The following C7orf78 variants were observed in gnomAD, a reference collection of about 807,000 sequenced individuals.
C7orf78 encodes chromosome 7 open reading frame 78, also known as putative uncharacterized protein C7orf78.
At chr7:12,499,077 G>A in the C7orf78 span, among the ~76,000 whole-genome samples, 89 of 152,170 alleles carry the variant, frequency 5.8e-4, 3 homozygotes, top group South Asian at 0.018. Context: ...AAGAGCTCCT[G>A]AAGGAAGCGC....
chr7:12,498,428 G>T, the C7orf78 span, among the ~76,000 whole-genome samples: 3 of 151,196 alleles, frequency 2.0e-5, no homozygotes, highest in Admixed American at 1.3e-4. Context: ...CGAGAACTAC[G>T]TGAAGAATGC....
chr7:12,508,657 G>T, the C7orf78 span, among the ~76,000 whole-genome samples: 1 of 152,120 alleles, frequency 6.6e-6, no homozygotes, highest in Non-Finnish European at 1.5e-5. Context: ...TAAAGCAGGG[G>T]CCTCCAACCC....
chr7:12,497,314 C>G, the C7orf78 span, among the ~76,000 whole-genome samples: 1 of 152,154 alleles, frequency 6.6e-6, no homozygotes, highest in Non-Finnish European at 1.5e-5. Flanking sequence ...TCTAAGGTAC[C>G]GGGTTCATCT....
chr7:12,497,274 C>G, the C7orf78 span, among the ~76,000 whole-genome samples: 31 of 152,236 alleles, frequency 2.0e-4, no homozygotes, highest in African/African-American at 7.0e-4. Context: ...GCCTGAGCGA[C>G]GCAGAAGACG....
chr7:12,516,660 G>T, the C7orf78 span, among the ~76,000 whole-genome samples: 6 of 152,334 alleles, frequency 3.9e-5, no homozygotes, highest in African/African-American at 1.4e-4. Context: ...CACAGGGGAG[G>T]AGCTGCCTAA....
chr7:12,523,938 G>A, the C7orf78 span, among the ~76,000 whole-genome samples: 6,216 of 152,108 alleles, frequency 0.041, 185 homozygotes, highest in Non-Finnish European at 0.064. Flanking sequence ...TGCAGATAAG[G>A]TCAAATATTT....
chr7:12,523,758 T>A, the C7orf78 span, among the ~76,000 whole-genome samples: 2 of 152,162 alleles, frequency 1.3e-5, no homozygotes, highest in Non-Finnish European at 2.9e-5. Flanking sequence ...CAGGAGTTTA[T>A]AACCTACTAC....
chr7:12,504,662 G>A, the C7orf78 span: 1 of 151,862 alleles, frequency 6.6e-6, no homozygotes, highest in South Asian at 2.1e-4. Context: ...ATATGTTAAG[G>A]TATATAAGAT....
chr7:12,523,871 TA>T, the C7orf78 span, among the ~76,000 whole-genome samples: 4 of 152,176 alleles, frequency 2.6e-5, no homozygotes, highest in Non-Finnish European at 5.9e-5. Context: ...ATAATTTAAA[TA>T]ATATATGGGC....
the C7orf78 span, among the ~76,000 whole-genome samples, chr7:12,499,620 C>T: frequency 6.6e-6 from 1 of 150,654 alleles, no homozygotes; most frequent in African/African-American, 2.4e-5. Context: ...GACTCCCACA[C>T]ATTAATAATG....
At chr7:12,522,896 C>T in the C7orf78 span, 2 of 397,174 alleles carry the variant, frequency 5.0e-6, no homozygotes, top group Non-Finnish European at 8.9e-6. Flanking sequence ...CAAAGATTAA[C>T]TTGTCCTGGA....
At chr7:12,501,778 A>T in the C7orf78 span, among the ~76,000 whole-genome samples, 1 of 145,288 alleles carries the variant, frequency 6.9e-6, no homozygotes, top group Admixed American at 7.0e-5. Context: ...TGCCAAGTCA[A>T]TCCTAAGCCA....
At chr7:12,503,267 A>G in the C7orf78 span, among the ~76,000 whole-genome samples, 1 of 151,084 alleles carries the variant, frequency 6.6e-6, no homozygotes, top group East Asian at 1.9e-4. Flanking sequence ...GAAACACAAA[A>G]GAAAAAAAAT....
At chr7:12,508,398 G>GA in the C7orf78 span, among the ~76,000 whole-genome samples, 41,037 of 151,474 alleles carry the variant, frequency 0.27, 6,536 homozygotes, top group East Asian at 0.52. Context: ...CATTTCATTG[G>GA]AAAAAAAATC....
chr7:12,533,768 G>A, the C7orf78 span, among the ~76,000 whole-genome samples: 15 of 151,620 alleles, frequency 9.9e-5, no homozygotes, highest in African/African-American at 3.2e-4. Context: ...CACCTGTCTC[G>A]GCCTCCCAAA....
chr7:12,513,390 T>C, the C7orf78 span, among the ~76,000 whole-genome samples: 1 of 152,176 alleles, frequency 6.6e-6, no homozygotes, highest in Non-Finnish European at 1.5e-5. Flanking sequence ...CTGTTTGTGC[T>C]ACAAAGTTCC....
the C7orf78 span, among the ~76,000 whole-genome samples, chr7:12,520,989 C>T: frequency 2.0e-5 from 3 of 152,112 alleles, no homozygotes; most frequent in Admixed American, 6.5e-5. Context: ...TCTCTTTTTA[C>T]ATTTTTTTAT....
At chr7:12,518,445 G>A in the C7orf78 span, among the ~76,000 whole-genome samples, 1 of 152,172 alleles carries the variant, frequency 6.6e-6, no homozygotes, top group Admixed American at 6.5e-5. Context: ...GGCCATGGCA[G>A]TAGCAGTGGT....
chr7:12,522,076 C>A, the C7orf78 span, among the ~76,000 whole-genome samples: 1 of 152,024 alleles, frequency 6.6e-6, no homozygotes, highest in South Asian at 2.1e-4. Flanking sequence ...TAGTAGTTTC[C>A]CTTCACTTGC....
Sources: gnomAD v4.1 joint callset for allele counts (sites outside exome capture counted in the v4.1 genomes callset) on GRCh38, gnomAD v4.1.1 for gene constraint, MANE v1.5 for transcripts, NCBI Gene and HGNC (gene_info 2026-07-23, HGNC 2026-07-21) for gene names.